The following SS18 variants were observed in gnomAD, a reference collection of about 807,000 sequenced individuals.
SS18 encodes the protein protein SSXT.
In SS18, 28 loss-of-function variants were observed where a neutral mutation model predicts 72.5. The ratio of observed to expected loss-of-function variants is 0.39; its 90% confidence interval spans 0.29 to 0.53. The LOEUF is 0.53. Among genes scored for constraint, SS18 ranks in the 20% least tolerant of loss-of-function variants. The probability of loss-of-function intolerance (pLI) is 0.76; values close to 1 mark genes in which losing one functional copy is unlikely to be tolerated. For missense variants in SS18, 518 were observed against 535.3 expected (o/e 0.97, Z 0.32); for synonymous variants, 172 against 164.2 (o/e 1.05, Z -0.37).
chr18:26,038,726 A>G, intron 6 of SS18, 67 bp from the exon 7 acceptor site: 3 of 1,333,338 alleles, frequency 2.2e-6, no homozygotes, highest in Non-Finnish European at 1.1e-6. Flanking sequence ...CTTTCTTTCT[A>G]ATTTGATATT....
intron 1 of SS18, among the ~76,000 whole-genome samples, chr18:26,089,478 C>A (rs139239477): frequency 2.5e-4 from 38 of 152,320 alleles, no homozygotes; most frequent in African/African-American, 8.2e-4. Context: ...GCATAATCTA[C>A]GTGGTCTGAG....
At chr18:26,084,996 T>C (rs2054592312) in intron 2 of SS18, among the ~76,000 whole-genome samples, 1 of 152,174 alleles carries the variant, frequency 6.6e-6, no homozygotes, top group Admixed American at 6.5e-5. Flanking sequence ...ACACTGAGGT[T>C]ATTAAAAGTA....
At chr18:26,041,076 T>C (rs1371501733) in intron 5 of SS18, among the ~76,000 whole-genome samples, 1 of 152,222 alleles carries the variant, frequency 6.6e-6, no homozygotes, top group Non-Finnish European at 1.5e-5. Context: ...AAATTTTATT[T>C]TGAAGCACAT....
chr18:26,038,165 T>C (rs1275763008), intron 7 of SS18, among the ~76,000 whole-genome samples: 4 of 152,250 alleles, frequency 2.6e-5, no homozygotes, highest in Non-Finnish European at 4.4e-5. Context: ...CTCTATGTAT[T>C]TGTACAATTA....
At chr18:26,083,345 C>T (rs1045492950) in intron 2 of SS18, among the ~76,000 whole-genome samples, 1 of 152,118 alleles carries the variant, frequency 6.6e-6, no homozygotes, top group African/African-American at 2.4e-5. Flanking sequence ...ATATACTACC[C>T]TTGGCTCTGT....
At chr18:26,065,649 T>C (rs2054198702) in intron 3 of SS18, among the ~76,000 whole-genome samples, 10 of 151,328 alleles carry the variant, frequency 6.6e-5, no homozygotes, top group Admixed American at 6.6e-4. Context: ...CCCTTCAAAA[T>C]ATTGGCAAGT....
chr18:26,031,401 C>T (rs1316260687), intron 10 of SS18, among the ~76,000 whole-genome samples: 3 of 152,152 alleles, frequency 2.0e-5, no homozygotes, highest in Non-Finnish European at 2.9e-5. Flanking sequence ...AAACCAGATA[C>T]TGATGTTGGC....
chr18:26,018,300 G>A lies in SS18; in HGVS notation c.*54C>T. The A allele has an allele frequency of 6.6e-7, 1 of 1,506,194 alleles. No homozygotes were observed. Among genetic ancestry groups the A allele is most frequent in the Non-Finnish European group, 9.2e-7 (1 of 1,083,804 alleles). 93.3% of individuals were successfully genotyped at this position (1,506,194 alleles called of 1,614,324 possible). ...TTCACAGGGAGGTGTCCACAGTGCT[G>A]AGGTGACAATATGGCTGCTAATAGA... On this transcript the variant is annotated 3_prime_UTR_variant, in exon 11 of 11. Coordinates refer to ENST00000415083, the MANE Select transcript of SS18 (RefSeq NM_001007559.3).
At chr18:26,075,489 A>T (rs1008123429) in intron 3 of SS18, among the ~76,000 whole-genome samples, 2 of 151,980 alleles carry the variant, frequency 1.3e-5, no homozygotes, top group Non-Finnish European at 2.9e-5. Flanking sequence ...TCTTATAATC[A>T]TCTCATTCGA....
At chr18:26,078,428 G>A (rs1598608056) in intron 2 of SS18, 1 of 270,166 alleles carries the variant, frequency 3.7e-6, no homozygotes, top group Non-Finnish European at 6.9e-6. Context: ...CTACGAGGCA[G>A]GAGCTCTTTT....
intron 3 of SS18, among the ~76,000 whole-genome samples, chr18:26,061,308 G>A (rs1045098868): frequency 1.3e-5 from 2 of 151,938 alleles, no homozygotes; most frequent in Middle Eastern, 3.4e-3. Context: ...GCGAGACTCC[G>A]TCTCAAAAAA....
intron 10 of SS18, among the ~76,000 whole-genome samples, chr18:26,020,388 T>C (rs951451876): frequency 2.0e-5 from 3 of 152,192 alleles, no homozygotes; most frequent in African/African-American, 4.8e-5. Context: ...CTCTCAATGA[T>C]GGAGGGAAAT....
chr18:26,029,554 C>G (rs2053508362), intron 10 of SS18, among the ~76,000 whole-genome samples: 1 of 152,154 alleles, frequency 6.6e-6, no homozygotes, highest in Non-Finnish European at 1.5e-5. Context: ...TGGATGTCTG[C>G]TTTGCAAAGA....
intron 9 of SS18, 128 bp downstream of exon 9, chr18:26,034,877 T>A: frequency 8.3e-7 from 1 of 1,209,738 alleles, no homozygotes; most frequent in South Asian, 1.8e-5. Flanking sequence ...ATTTTAACAG[T>A]AGACTAGTCT....
At chr18:26,037,899 AC>A (rs2053652077) in intron 7 of SS18, among the ~76,000 whole-genome samples, 1 of 152,130 alleles carries the variant, frequency 6.6e-6, no homozygotes, top group Admixed American at 6.6e-5. Flanking sequence ...TTCCTGAAGT[AC>A]AGTGCATCTT....
At chr18:26,039,227 G>T in intron 6 of SS18, 62 bp downstream of exon 6, 2 of 995,324 alleles carry the variant, frequency 2.0e-6, no homozygotes, top group Non-Finnish European at 2.9e-6. Context: ...AGATTAAAAG[G>T]TCATTAAAAT....
chr18:26,047,982 T>C (rs1391968159), intron 5 of SS18, among the ~76,000 whole-genome samples: 1 of 152,190 alleles, frequency 6.6e-6, no homozygotes, highest in Non-Finnish European at 1.5e-5. Context: ...AACCACAGAA[T>C]ATATGACATG....
intron 9 of SS18, among the ~76,000 whole-genome samples, chr18:26,034,520 G>A (rs1034187529): frequency 1.3e-5 from 2 of 151,376 alleles, no homozygotes; most frequent in East Asian, 1.9e-4. Flanking sequence ...CGATGGATAC[G>A]TATATTGCTA....
chr18:26,066,452 C>T lies in SS18; in HGVS notation c.232-8710G>A, dbSNP rs2054218401. Among the ~76,000 whole-genome samples, 3 of 152,244 alleles carry T rather than the reference C, an allele frequency of 2.0e-5. 1 individual carries two copies. The highest frequency in any genetic ancestry group is 4.2e-4 in the South Asian group (2 of 4,816). On this transcript the variant is annotated intron_variant, in intron 3 of 10. Transcript: ENST00000415083. ...TCCCTTCACCCTCAAGCCGCCTTAT[C>T]CGTAGTTTCAGTGACGGTAATTCCA...
Sources: gnomAD v4.1 joint callset for allele counts (sites outside exome capture counted in the v4.1 genomes callset) on GRCh38, gnomAD v4.1.1 for gene constraint, MANE v1.5 for transcripts, NCBI Gene and HGNC (gene_info 2026-07-23, HGNC 2026-07-21) for gene names.